SLC35D4: variants seen among roughly 807,000 people sequenced by gnomAD.
SLC35D4 encodes solute carrier family 35 member D4.
chr18:23,274,622 G>T, the SLC35D4 span, among the ~76,000 whole-genome samples: 3 of 152,220 alleles, frequency 2.0e-5, no homozygotes, highest in Admixed American at 1.3e-4. Flanking sequence ...TTCCCCACTG[G>T]AACTCCCATA....
chr18:23,435,770 A>T, the SLC35D4 span, among the ~76,000 whole-genome samples: 1 of 152,166 alleles, frequency 6.6e-6, no homozygotes, highest in Admixed American at 6.5e-5. Context: ...ATCTCCACTC[A>T]CTGCAACCTC....
At chr18:23,343,890 T>C in the SLC35D4 span, among the ~76,000 whole-genome samples, 1 of 151,526 alleles carries the variant, frequency 6.6e-6, no homozygotes, top group African/African-American at 2.4e-5. Flanking sequence ...GCAAAGGACA[T>C]GATCTCATTC....
At chr18:23,369,016 C>T in the SLC35D4 span, among the ~76,000 whole-genome samples, 1 of 152,192 alleles carries the variant, frequency 6.6e-6, no homozygotes, top group South Asian at 2.1e-4. Context: ...ACTGGACTGG[C>T]TTTTGGGGCT....
At chr18:23,279,843 A>G in the SLC35D4 span, among the ~76,000 whole-genome samples, 1 of 152,166 alleles carries the variant, frequency 6.6e-6, no homozygotes, top group Non-Finnish European at 1.5e-5. Flanking sequence ...ATATACATAT[A>G]TACACACACA....
the SLC35D4 span, among the ~76,000 whole-genome samples, chr18:23,327,278 A>C: frequency 6.6e-6 from 1 of 152,202 alleles, no homozygotes; most frequent in African/African-American, 2.4e-5. Context: ...TTTTGAAAAG[A>C]TCAACAAAAC....
the SLC35D4 span, among the ~76,000 whole-genome samples, chr18:23,418,577 G>T: frequency 5.1e-4 from 78 of 151,500 alleles, no homozygotes; most frequent in Non-Finnish European, 7.5e-4. Context: ...CACCTCAAGT[G>T]ATCTTCCTGC....
the SLC35D4 span, among the ~76,000 whole-genome samples, chr18:23,436,561 G>C: frequency 6.6e-6 from 1 of 152,068 alleles, no homozygotes; most frequent in Non-Finnish European, 1.5e-5. Flanking sequence ...GGAAGGCTGA[G>C]GCATGCGGAT....
chr18:23,300,064 C>G, the SLC35D4 span, among the ~76,000 whole-genome samples: 1 of 152,076 alleles, frequency 6.6e-6, no homozygotes, highest in Non-Finnish European at 1.5e-5. Context: ...TCCCAACGAC[C>G]CTATTTGGGA....
At chr18:23,436,457 G>A in the SLC35D4 span, among the ~76,000 whole-genome samples, 1 of 152,174 alleles carries the variant, frequency 6.6e-6, no homozygotes, top group African/African-American at 2.4e-5. Context: ...CTCCCAGGAA[G>A]GCTGCATTTA....
the SLC35D4 span, among the ~76,000 whole-genome samples, chr18:23,324,066 A>G: frequency 6.6e-6 from 1 of 151,570 alleles, no homozygotes; most frequent in Non-Finnish European, 1.5e-5. Flanking sequence ...CTGGGCGAGG[A>G]AGTGAGACTC....
chr18:23,372,147 A>G, the SLC35D4 span, among the ~76,000 whole-genome samples: 148,951 of 149,546 alleles, frequency 1, 74,184 homozygotes, highest in Middle Eastern at 1. Flanking sequence ...GTTTTTAGCC[A>G]GGATGGTCTC....
the SLC35D4 span, chr18:23,297,577 C>T: frequency 6.6e-6 from 1 of 151,446 alleles, no homozygotes; most frequent in Non-Finnish European, 1.5e-5. Context: ...AAAAGACAAC[C>T]AAACCCCTTA....
chr18:23,257,566 C>A, the SLC35D4 span: 1 of 529,690 alleles, frequency 1.9e-6, no homozygotes, highest in Non-Finnish European at 3.2e-6. Flanking sequence ...GCTATGGACT[C>A]CTCAAGCACG....
chr18:23,368,452 G>C, the SLC35D4 span, among the ~76,000 whole-genome samples: 1 of 152,322 alleles, frequency 6.6e-6, no homozygotes, highest in Admixed American at 6.5e-5. Context: ...TCTGGGATGA[G>C]AGAAACGTCC....
the SLC35D4 span, among the ~76,000 whole-genome samples, chr18:23,399,291 T>G: frequency 3.3e-5 from 5 of 152,284 alleles, no homozygotes; most frequent in African/African-American, 1.2e-4. Flanking sequence ...TCTGCCCATC[T>G]CCACGGGGAA....
chr18:23,396,119 T>C, the SLC35D4 span, among the ~76,000 whole-genome samples: 1 of 152,088 alleles, frequency 6.6e-6, no homozygotes, highest in Non-Finnish European at 1.5e-5. Context: ...TGGTTGTGAG[T>C]CTGAGGTAGA....
chr18:23,422,473 A>G, the SLC35D4 span, among the ~76,000 whole-genome samples: 12 of 152,036 alleles, frequency 7.9e-5, no homozygotes, highest in African/African-American at 2.9e-4. Context: ...CCATAACAGC[A>G]TTCAAATCTG....
At chr18:23,425,068 C>T in the SLC35D4 span, among the ~76,000 whole-genome samples, 1 of 152,102 alleles carries the variant, frequency 6.6e-6, no homozygotes, top group Admixed American at 6.6e-5. Context: ...CAAATACTTA[C>T]CCAAAAAGAG....
chr18:23,257,059 G>T, the SLC35D4 span: 17 of 698,556 alleles, frequency 2.4e-5, no homozygotes, highest in East Asian at 4.8e-4. Flanking sequence ...AACCAGGACC[G>T]AAGGCAGGAA....
Sources: gnomAD v4.1 joint callset for allele counts (sites outside exome capture counted in the v4.1 genomes callset) on GRCh38, gnomAD v4.1.1 for gene constraint, MANE v1.5 for transcripts, NCBI Gene and HGNC (gene_info 2026-07-23, HGNC 2026-07-21) for gene names.